CDHR4: variants seen among roughly 807,000 people sequenced by gnomAD.
CDHR4 encodes cadherin related family member 4, also known as cadherin-related family member 4.
A neutral mutation model predicts 88.4 loss-of-function variants in CDHR4; 89 were observed. The observed-to-expected ratio is 1.01, with a 90% confidence interval of 0.85 to 1.20. The LOEUF is 1.20. CDHR4 is among the 50% of genes most tolerant of loss of function. The pLI is 0.00. For synonymous variants in CDHR4, 368 were observed against 399.2 expected (o/e 0.92, Z 0.93); for missense variants, 914 against 1,007.2 (o/e 0.91, Z 1.25).
At chr3:49,798,695 A>G in intron 4 of CDHR4, 131 bp downstream of exon 4, 1 of 791,910 alleles carries the variant, frequency 1.3e-6, no homozygotes, top group South Asian at 1.8e-5. Flanking sequence ...AACATACATC[A>G]TGTAGAGGCT....
chr3:49,791,433 G>C lies in CDHR4; in HGVS notation c.2311+8C>G, dbSNP rs770748852. The C allele has an allele frequency of 2.6e-6, 4 of 1,542,588 alleles. No homozygotes were observed. Among genetic ancestry groups the C allele is most frequent in the Non-Finnish European group, 3.5e-6 (4 of 1,144,478 alleles). Reference sequence around the variant, plus strand: ...GGCAGAGAATAGCTTAGGAAGAGGGGGACTCACGGGAGTCCTGTGCTCTGC... The same window carrying C: ...GGCAGAGAATAGCTTAGGAAGAGGGCGACTCACGGGAGTCCTGTGCTCTGC... On this transcript the variant is annotated splice_region_variant and intron_variant, in intron 18 of 18. Coordinates refer to ENST00000412678, the MANE Select transcript of CDHR4 (RefSeq NM_001007540.4).
rs200680447 is a variant in CDHR4, at chr3:49,798,859, C to T, written c.462G>A (p.Leu154=). 160 of 1,613,816 alleles carry T rather than the reference C, an allele frequency of 9.9e-5. 1 individual carries two copies. The highest frequency in any genetic ancestry group is 1.2e-5 in the Non-Finnish European group (14 of 1,179,890). The part of the protein sequence containing the change: ...TVTPGARLYT[L]LLPGLELHGA... Reference sequence around the variant, plus strand: ...CGTGGAGTTCTAGGCCTGGGAGGAGCAGAGTGTACAGCCGAGCCCCAGGTG... The same window carrying T: ...CGTGGAGTTCTAGGCCTGGGAGGAGTAGAGTGTACAGCCGAGCCCCAGGTG... The change falls in exon 4 of 19, where the codon CTG becomes CTA. Residue 154 remains leucine, a synonymous_variant. Coordinates refer to ENST00000412678, the MANE Select transcript of CDHR4 (RefSeq NM_001007540.4).
rs763323634 is a variant in CDHR4, at chr3:49,793,943, C to T, written c.1343G>A (p.Arg448His). ...INEFSPACAP[R>H]TFRVQEDAAP... Reference sequence around the variant, plus strand: ...CGCATCCTCCTGAACCCGGAACGTGCGAGGGGCACAGGCTGGGGAGAACTC... The same window carrying T: ...CGCATCCTCCTGAACCCGGAACGTGTGAGGGGCACAGGCTGGGGAGAACTC... The change falls in exon 11 of 19, where the codon CGC becomes CAC. Residue 448 changes from arginine (R) to histidine (H), a missense_variant. Transcript: ENST00000412678. 24 of 1,551,644 alleles carry T rather than the reference C, an allele frequency of 1.5e-5. No homozygotes were observed. Among genetic ancestry groups the T allele is most frequent in the Non-Finnish European group, 2.0e-5 (23 of 1,147,010 alleles).
chr3:49,795,162 C>T lies in CDHR4; in HGVS notation c.1031+34G>A. 2 of 1,551,476 alleles carry T rather than the reference C, an allele frequency of 1.3e-6. No homozygotes were observed. The highest frequency in any genetic ancestry group is 1.7e-6 in the Non-Finnish European group (2 of 1,146,878). On this transcript the variant is annotated intron_variant, in intron 8 of 18. Transcript: ENST00000412678. The surrounding 1 kb of genome is among the most constrained non-coding windows in gnomAD (Gnocchi z 5.4). The stretch of plus-strand genomic sequence containing the variant: ...CAGTACCCTGAGTCATGGCTCTGAC[C>T]CCAGCAGCCCAAGTATGGTTCCCGG...
At chr3:49,792,441 T>C in intron 15 of CDHR4, 27 bp downstream of exon 15, 1 of 1,550,700 alleles carries the variant, frequency 6.4e-7, no homozygotes, top group African/African-American at 1.4e-5. Context: ...TGGGGGCAAG[T>C]AGGGAGCACA....
intron 18 of CDHR4, 36 bp downstream of exon 18, chr3:49,791,405 C>A: frequency 6.5e-7 from 1 of 1,533,440 alleles, no homozygotes; most frequent in South Asian, 1.2e-5. Flanking sequence ...GGGTGAGGGC[C>A]CAGGCAGAGA....
chr3:49,802,878 C>T (rs1045119526), upstream of CDHR4, among the ~76,000 whole-genome samples: 14 of 152,272 alleles, frequency 9.2e-5, no homozygotes, highest in African/African-American at 3.4e-4. Flanking sequence ...GCCAGCCTCA[C>T]GAATGGGTCC....
At chr3:49,801,979 G>C (rs1575359105), upstream of CDHR4, among the ~76,000 whole-genome samples, 1 of 152,104 alleles carries the variant, frequency 6.6e-6, no homozygotes, top group South Asian at 2.1e-4. Flanking sequence ...CTCTAAGGCC[G>C]TTAGAGCCTG....
chr3:49,793,126 C>G (rs763880098), intron 13 of CDHR4, 35 bp downstream of exon 13: 27 of 1,550,776 alleles, frequency 1.7e-5, no homozygotes, highest in Non-Finnish European at 8.7e-7. Flanking sequence ...TGGCCTGCCC[C>G]TCACTCACAA....
intron 16 of CDHR4, 21 bp downstream of exon 16, chr3:49,791,882 A>G: frequency 6.4e-7 from 1 of 1,551,598 alleles, no homozygotes; most frequent in Non-Finnish European, 8.7e-7. Context: ...CCAGGCATAG[A>G]AGTATGCAAA....
Position 49,799,303 on chromosome 3 carries a change from TG to T in CDHR4, c.183del (p.Thr62ProfsTer20). On this transcript the variant is annotated frameshift_variant, in exon 2 of 19. Coordinates refer to ENST00000412678, the MANE Select transcript of CDHR4 (RefSeq NM_001007540.4). LOFTEE classifies it high-confidence loss of function. ...AAGCTGGGTGGGTTGAAGAAGGTGG[TG>T]GGTGGCTGGACATTGAGCAACTCCA... ...PTLELLNVQP[P>X]TTFFNPPSLA... The T allele has an allele frequency of 3.1e-6, 5 of 1,613,792 alleles. No homozygotes were observed. The highest frequency in any genetic ancestry group is 4.2e-6 in the Non-Finnish European group (5 of 1,179,804).
rs2081257246 is a variant in CDHR4 at position 49,795,541 on chromosome 3, C to T, written c.847+87G>A. The stretch of plus-strand genomic sequence containing the variant: ...CCTTCTCCAAGACCAGGCCCCCAAA[C>T]AGGAAGGTGAAGAGGTACTATGGGT... On this transcript the variant is annotated intron_variant, in intron 7 of 18. Transcript: ENST00000412678. This position sits in a 1 kb window ranked among gnomAD's most constrained non-coding sequence, Gnocchi z 5.4. 6.6e-7 allele frequency: 1 copy of T among 1,521,980 alleles called. No homozygotes were observed. The highest frequency in any genetic ancestry group is 8.9e-7 in the Non-Finnish European group (1 of 1,129,218). 94.3% of individuals were successfully genotyped at this position (1,521,980 alleles called of 1,614,324 possible).
At position 49,790,900 on chromosome 3, in the gene CDHR4, G is replaced by A; in HGVS notation, c.2312-13C>T. 1 of 1,548,570 alleles carries A rather than the reference G, an allele frequency of 6.5e-7. No homozygotes were observed. Among genetic ancestry groups the A allele is most frequent in the Non-Finnish European group, 8.7e-7 (1 of 1,145,116 alleles). On this transcript the variant is annotated splice_polypyrimidine_tract_variant and intron_variant, in intron 18 of 18. Coordinates refer to ENST00000412678, the MANE Select transcript of CDHR4 (RefSeq NM_001007540.4). Reference sequence around the variant, plus strand: ...TCTCTTCCGGTACCTAAAACCGGTAGGAGAGAGAGGAGAGCAGGGGGTGCT... The same window carrying A: ...TCTCTTCCGGTACCTAAAACCGGTAAGAGAGAGAGGAGAGCAGGGGGTGCT...
intron 1 of CDHR4, 143 bp from the exon 2 acceptor site, chr3:49,799,580 C>A (rs899162483): frequency 8.0e-6 from 9 of 1,123,460 alleles, no homozygotes; most frequent in African/African-American, 1.6e-5. Flanking sequence ...CAGCATCCAG[C>A]ATTTCACAGA....
Position 49,799,066 on chromosome 3 carries a change from C to A in CDHR4, c.331G>T (p.Glu111Ter). The A allele has an allele frequency of 6.3e-7, 1 of 1,587,892 alleles. No individual in the cohort carries two copies. The highest frequency in any genetic ancestry group is 8.6e-7 in the Non-Finnish European group (1 of 1,167,106). The change falls in exon 3 of 19, where the codon GAG becomes TAG. Residue 111 changes from glutamate (E) to a stop codon, truncating the protein, a stop_gained. Transcript: ENST00000412678. LOFTEE classifies it high-confidence loss of function. ...TGCACATCCACAGAGAGTGAGCCCT[C>A]CATCACATGGTTGCCACATGTGAAC... ...LKFTCGNHVM[E>*]GSLSVDVQRD...
intron 4 of CDHR4, 46 bp downstream of exon 4, chr3:49,798,780 C>T (rs2081312774): frequency 6.4e-7 from 1 of 1,573,530 alleles, no homozygotes. Flanking sequence ...TCTCTCCATC[C>T]CCCCACCCCC....
chr3:49,791,753 C>G lies in CDHR4; in HGVS notation c.2244G>C (p.Lys748Asn). The G allele has an allele frequency of 6.4e-7, 1 of 1,551,708 alleles. No individual in the cohort carries two copies. Among genetic ancestry groups the G allele is most frequent in the South Asian group, 1.2e-5 (1 of 84,066 alleles). The change falls in exon 17 of 19, where the codon AAG becomes AAC. Residue 748 changes from lysine to asparagine, a missense_variant. Lys to Asn is a moderately conservative substitution (Grantham distance 94, BLOSUM62 0). Coordinates refer to ENST00000412678, the MANE Select transcript of CDHR4 (RefSeq NM_001007540.4). ...GSIEGFLEAPKMEMSQAPSSV... is the reference protein window; with the variant it reads ...GSIEGFLEAPNMEMSQAPSSV... ...TGCTGGGTGCCTGGGACATCTCCAT[C>G]TTCGGTGCCTCCAGGAAACCCTCGA... is the stretch of plus-strand genomic sequence containing the variant.
rs1271817657 is a variant in CDHR4 at position 49,793,882 on chromosome 3, C to T, written c.1404G>A (p.Thr468=). Residue 468 remains threonine (T), a synonymous_variant, in exon 11 of 19, where the codon ACG becomes ACA. Transcript: ENST00000412678. ...PHTLLGSVVG[T]DMDYPHDNIE... is the part of the protein sequence containing the mutation. ...TGTTGTCATGAGGGTAATCCATATC[C>T]GTGCCCACCACGGAGCCCAGTAGAG... The T allele has an allele frequency of 4.5e-6, 7 of 1,551,740 alleles. No homozygotes were observed. Among genetic ancestry groups the T allele is most frequent in the South Asian group, 2.4e-5 (2 of 84,062 alleles).
chr3:49,796,781 A>AGAC, intron 5 of CDHR4, 141 bp downstream of exon 5: 1 of 652,278 alleles, frequency 1.5e-6, no homozygotes, highest in Non-Finnish European at 2.7e-6. Flanking sequence ...GTGGGAGGAC[A>AGAC]GACAGCATGC....
Sources: allele counts gnomAD v4.1 joint callset (sites outside exome capture counted in the v4.1 genomes callset), GRCh38; gene constraint gnomAD v4.1.1; non-coding constraint Gnocchi (gnomAD v3.1); transcripts MANE v1.5; gene names NCBI Gene and HGNC (gene_info 2026-07-23, HGNC 2026-07-21).